Variants in TNNT2 observed in about 807,000 individuals in gnomAD.
TNNT2 encodes the protein troponin T, cardiac muscle.
A neutral mutation model predicts 62.4 loss-of-function variants in TNNT2; 34 were observed. The observed-to-expected ratio is 0.54, with a 90% CI of 0.41 to 0.72. The LOEUF (loss-of-function observed/expected upper bound fraction) is 0.72. Ranked by LOEUF, TNNT2 falls within the 30% of genes least tolerant of loss-of-function variation. The pLI, the probability that TNNT2 is intolerant of heterozygous loss-of-function variation, is 0.00. For synonymous variants in TNNT2, 123 were observed against 127.2 expected, an observed-to-expected ratio of 0.97 and a Z score of 0.22; for missense variants, 275 against 381.9, an observed-to-expected ratio of 0.72 and a Z score of 2.33.
chr1:201,363,889 C>CTTT, intron 11 of TNNT2: 13 of 171,046 alleles, frequency 7.6e-5, no homozygotes, highest in East Asian at 1.5e-4. Context: ...CTTTTTTTTC[C>CTTT]TTTTTTTTTT....
intron 1 of TNNT2, 92 bp from the exon 2 acceptor site, chr1:201,373,360 G>T: frequency 1.8e-6 from 2 of 1,140,138 alleles, no homozygotes; most frequent in Non-Finnish European, 2.6e-6. Flanking sequence ...GATCAGCGAG[G>T]CCTAGGGTGA....
Position 201,359,044 on chromosome 1 carries a change from T to G in TNNT2, c.*166A>C. 2.6e-6 allele frequency: 2 copies of G among 765,204 alleles called. No homozygotes were observed. The highest frequency in any genetic ancestry group is 3.0e-5 in the South Asian group (2 of 65,814). The allele number at this position is 765,204 out of a possible 1,614,324, so 47.4% of individuals were successfully genotyped here. On this transcript the variant is annotated 3_prime_UTR_variant, in exon 17 of 17. Coordinates refer to ENST00000656932, the MANE Select transcript of TNNT2 (RefSeq NM_001276345.2). ...GTGTGGTGGCTTTTTATTACTGGTGTGGAGTGGGTGTGGGGGCAGGCAGGA... is the reference window on the plus strand; with the variant it reads ...GTGTGGTGGCTTTTTATTACTGGTGGGGAGTGGGTGTGGGGGCAGGCAGGA...
At position 201,369,921 on chromosome 1, in the gene TNNT2, G is replaced by A. The variant is rs1337484559; in HGVS notation, c.68-76C>T. ...TCTGGGAGCAGAGAGCCCGCGGCAG[G>A]AGCAGCCACCCAGCGCAGTGGTTTT... is the stretch of plus-strand genomic sequence containing the variant. On this transcript the variant is annotated intron_variant, in intron 4 of 16. Transcript: ENST00000656932. 1.8e-5 allele frequency: 28 copies of A among 1,546,192 alleles called. 1 individual carries two copies. In the South Asian group the frequency reaches 2.8e-4, roughly 15 times the overall value.
intron 9 of TNNT2, 79 bp from the exon 10 acceptor site, chr1:201,365,386 A>G: frequency 1.3e-5 from 17 of 1,338,178 alleles, no homozygotes; most frequent in Non-Finnish European, 1.8e-5. Context: ...GACACCCCCC[A>G]ACGCAGTGCA....
At chr1:201,363,730 C>T (rs968363041) in intron 11 of TNNT2, 9 of 413,050 alleles carry the variant, frequency 2.2e-5, no homozygotes, top group African/African-American at 1.0e-4. Context: ...TCGGTTCCCA[C>T]GAAGTCTGCA....
At chr1:201,368,414 C>T (rs1342052613) in intron 5 of TNNT2, 187 bp from the exon 6 acceptor site, 1 of 674,388 alleles carries the variant, frequency 1.5e-6, no homozygotes, top group African/African-American at 1.8e-5. Flanking sequence ...CTACCTCCCG[C>T]CACCCAGCTT....
In TNNT2 at chr1:201,365,212, G is replaced by A. The variant is rs758543857; in HGVS notation, c.390C>T (p.Leu130=). 7.4e-6 allele frequency: 12 copies of A among 1,613,870 alleles called. No homozygotes were observed. The Admixed American group carries it at 8.3e-5, about 11-fold the overall frequency. The part of the protein sequence containing the change: ...FENRKKEEEE[L]VSLKDRIERR... Reference sequence around the variant, plus strand: ...CTACGATCCTGTCTTTGAGAGAAACGAGCTCCTCCTCCTCTTTCTTCCTGT... The same window carrying A: ...CTACGATCCTGTCTTTGAGAGAAACAAGCTCCTCCTCCTCTTTCTTCCTGT... Residue 130 remains leucine (L), a synonymous_variant, in exon 10 of 17, where the codon CTC becomes CTT. Transcript: ENST00000656932.
intron 8 of TNNT2, chr1:201,366,000 T>G (rs1659592137): frequency 8.2e-7 from 1 of 1,214,590 alleles, no homozygotes; most frequent in Non-Finnish European, 1.0e-6. Context: ...TCAAAGAAGC[T>G]GTGACAAGAT....
intron 12 of TNNT2, 117 bp from the exon 13 acceptor site, chr1:201,362,511 T>G: frequency 7.4e-7 from 1 of 1,343,740 alleles, no homozygotes; most frequent in Non-Finnish European, 1.0e-6. Context: ...AAGATTCAGA[T>G]ACTCGCTGTA....
Position 201,359,160 on chromosome 1 carries a change from C to G in TNNT2, c.*50G>C. ...GCCCGGGAACTGGGGGAGTGCAGGC[C>G]GGAGGCAGGTGCGAGCGAGGAGCAG... On this transcript the variant is annotated 3_prime_UTR_variant, in exon 17 of 17. Transcript: ENST00000656932. 2 of 1,588,418 alleles carry G rather than the reference C, an allele frequency of 1.3e-6. No homozygotes were observed. Among genetic ancestry groups the G allele is most frequent in the Non-Finnish European group, 1.7e-6 (2 of 1,168,450 alleles).
chr1:201,364,231 G>A, intron 11 of TNNT2, 67 bp downstream of exon 11: 4 of 1,494,602 alleles, frequency 2.7e-6, no homozygotes, highest in Admixed American at 1.8e-5. Context: ...ATAGAGAGGG[G>A]CCTGGGGGCC....
chr1:201,363,164 C>T (rs1659014622), intron 12 of TNNT2, 132 bp downstream of exon 12: 1 of 1,581,772 alleles, frequency 6.3e-7, no homozygotes, highest in Non-Finnish European at 8.6e-7. Context: ...ATGAGGAGAC[C>T]TCAGTCTTCC....
chr1:201,371,919 G>T, intron 4 of TNNT2, 108 bp downstream of exon 4: 2 of 1,454,292 alleles, frequency 1.4e-6, no homozygotes, highest in Non-Finnish European at 1.9e-6. Flanking sequence ...ATCTTGCTCA[G>T]CTGAGAGTGA....
At chr1:201,373,088 G>T in intron 2 of TNNT2, 126 bp downstream of exon 2, 1 of 935,420 alleles carries the variant, frequency 1.1e-6, no homozygotes, top group South Asian at 1.3e-5. Context: ...TCTCTCCTCG[G>T]GGTGCCCAAA....
chr1:201,362,098 G>GC, intron 13 of TNNT2, 76 bp from the exon 14 acceptor site: 1 of 1,532,062 alleles, frequency 6.5e-7, no homozygotes, highest in Non-Finnish European at 9.0e-7. Context: ...AAACCCCCTG[G>GC]GGGTGGAGCA....
At chr1:201,362,070 T>C (rs923870992) in intron 13 of TNNT2, 48 bp from the exon 14 acceptor site, 27 of 1,596,958 alleles carry the variant, frequency 1.7e-5, no homozygotes, top group Non-Finnish European at 2.3e-5. Flanking sequence ...GCCCCCTCCC[T>C]GTCCCCTAAC....
In TNNT2 at chr1:201,365,284, C is replaced by T; in HGVS notation, c.318G>A (p.Glu106=). Reference sequence around the variant, plus strand: ...GCGCCTGCAACTCATTCAGGTCCTTCTCCATGCGCTTCCGGTGGATGTCCT... The same window carrying T: ...GCGCCTGCAACTCATTCAGGTCCTTTTCCATGCGCTTCCGGTGGATGTCCT... ...DFDDIHRKRM[E]KDLNELQALI... is the part of the protein sequence containing the mutation. Residue 106 remains glutamate, a synonymous_variant, in exon 10 of 17, where the codon GAG becomes GAA. Transcript: ENST00000656932. 1 of 1,614,188 alleles carries T rather than the reference C, an allele frequency of 6.2e-7. No homozygotes were observed. Among genetic ancestry groups the T allele is most frequent in the Non-Finnish European group, 8.5e-7 (1 of 1,180,014 alleles).
chr1:201,371,899 T>C, intron 4 of TNNT2, 128 bp downstream of exon 4: 5 of 1,271,234 alleles, frequency 3.9e-6, no homozygotes, highest in Non-Finnish European at 5.6e-6. Context: ...GAAGGCACTG[T>C]TGTTGGAGGA....
intron 7 of TNNT2, 76 bp from the exon 8 acceptor site, chr1:201,366,947 G>C (rs1167432932): frequency 6.2e-7 from 1 of 1,611,824 alleles, no homozygotes; most frequent in Admixed American, 1.7e-5. Flanking sequence ...CGATGAGCTA[G>C]ATCCCTGTGG....
Sources: gnomAD v4.1 joint callset for allele counts on GRCh38, gnomAD v4.1.1 for gene constraint, MANE v1.5 for transcripts, NCBI Gene and HGNC (gene_info 2026-07-23, HGNC 2026-07-21) for gene names.